CACNG3: variants seen among roughly 807,000 people sequenced by gnomAD.
The protein encoded by CACNG3 is calcium voltage-gated channel auxiliary subunit gamma 3, also known as voltage-dependent calcium channel gamma-3 subunit.
In CACNG3, 3 loss-of-function variants were observed where a neutral mutation model predicts 28.5. The ratio of observed to expected loss-of-function variants is 0.11; its 90% CI spans 0.05 to 0.27. CACNG3 has a LOEUF of 0.27. Ranked by LOEUF, CACNG3 falls within the 10% of genes least tolerant of loss-of-function variation. The probability of loss-of-function intolerance (pLI) is 1.00; values close to 1 mark genes in which losing one functional copy is unlikely to be tolerated. For missense variants in CACNG3, 236 were observed against 414.4 expected, an observed-to-expected ratio of 0.57 and a Z score of 3.74; for synonymous variants, 174 against 162.2, an observed-to-expected ratio of 1.07 and a Z score of -0.55.
chr16:24,347,357 TGAGAAA>T (rs201110222), intron 2 of CACNG3, among the ~76,000 whole-genome samples: 25 of 149,952 alleles, frequency 1.7e-4, no homozygotes, highest in African/African-American at 3.7e-4. Flanking sequence ...AGAATGAGAA[TGAGAAA>T]GAGAAAGAGA....
chr16:24,350,446 CA>C (rs1899926571), intron 2 of CACNG3, among the ~76,000 whole-genome samples: 2 of 152,122 alleles, frequency 1.3e-5, no homozygotes, highest in African/African-American at 4.8e-5. Flanking sequence ...AGGCACCCAC[CA>C]CCACCATGTC....
At chr16:24,342,127 G>T (rs1899799294) in intron 1 of CACNG3, among the ~76,000 whole-genome samples, 1 of 152,108 alleles carries the variant, frequency 6.6e-6, no homozygotes, top group Non-Finnish European at 1.5e-5. Context: ...AATCAGCCGG[G>T]CATGGTGGCA....
At chr16:24,259,527 G>T (rs979138796) in intron 1 of CACNG3, among the ~76,000 whole-genome samples, 1 of 152,132 alleles carries the variant, frequency 6.6e-6, no homozygotes, top group Non-Finnish European at 1.5e-5. Context: ...GGTTTTCGTA[G>T]CTCCATTTTC....
At position 24,282,222 on chromosome 16, in the gene CACNG3, A is replaced by G. The variant is rs564849979; in HGVS notation, c.211+25257A>G. ...GGTTGAGTGCTTTGCTCTAGGTCAA[A>G]CATGAATTAAACAGTGGAACAGAGA... On this transcript the variant is annotated intron_variant, in intron 1 of 3. Coordinates refer to ENST00000005284, the MANE Select transcript of CACNG3 (RefSeq NM_006539.4). Among the ~76,000 whole-genome samples the G allele has an allele frequency of 5.3e-5, 8 of 152,308 alleles. No homozygotes were observed. In the South Asian group the frequency reaches 1.7e-3, roughly 32 times the overall value.
chr16:24,337,060 TG>T (rs1166485489), intron 1 of CACNG3, among the ~76,000 whole-genome samples: 2 of 152,084 alleles, frequency 1.3e-5, no homozygotes, highest in Non-Finnish European at 2.9e-5. Context: ...TAGATCCTCC[TG>T]CCTTGGCCTC....
intron 1 of CACNG3, among the ~76,000 whole-genome samples, chr16:24,294,157 G>A (rs1320239792): frequency 6.6e-6 from 1 of 152,204 alleles, no homozygotes; most frequent in Non-Finnish European, 1.5e-5. Context: ...AATCTACATA[G>A]CAGCAAAATT....
At chr16:24,261,986 A>G (rs1334290216) in intron 1 of CACNG3, among the ~76,000 whole-genome samples, 1 of 152,170 alleles carries the variant, frequency 6.6e-6, no homozygotes, top group Non-Finnish European at 1.5e-5. Context: ...TGTATGTGCC[A>G]AGCTCTGTGC....
In CACNG3 at chr16:24,310,142, G is replaced by A. The variant is rs771631117; in HGVS notation, c.212-36592G>A. Reference sequence around the variant, plus strand: ...CCAGCATGAGGGAGGGAAGGATTCCGAAGAGAGACTATGCTTTGCAGACTG... The same window carrying A: ...CCAGCATGAGGGAGGGAAGGATTCCAAAGAGAGACTATGCTTTGCAGACTG... On this transcript the variant is annotated intron_variant, in intron 1 of 3. Transcript: ENST00000005284. 3.4e-4 allele frequency among the ~76,000 whole-genome samples: 51 copies of A among 152,190 alleles called. 1 individual carries two copies. The highest frequency in any genetic ancestry group is 1.3e-4 in the Non-Finnish European group (9 of 68,034).
chr16:24,266,064 C>T (rs955759593), intron 1 of CACNG3, among the ~76,000 whole-genome samples: 1 of 152,152 alleles, frequency 6.6e-6, no homozygotes, highest in Non-Finnish European at 1.5e-5. Context: ...CTTTCTTTCC[C>T]AGAGAATTCT....
intron 1 of CACNG3, among the ~76,000 whole-genome samples, chr16:24,327,427 T>TGTGTGTGG (rs1424097354): frequency 9.0e-5 from 6 of 67,020 alleles, no homozygotes; most frequent in African/African-American, 3.9e-4. Flanking sequence ...TATATATGTG[T>TGTGTGTGG]GTGTGTGTGT....
chr16:24,266,454 A>G (rs1898609590), intron 1 of CACNG3, among the ~76,000 whole-genome samples: 1 of 152,236 alleles, frequency 6.6e-6, no homozygotes, highest in Non-Finnish European at 1.5e-5. Context: ...AGTGAAACTG[A>G]GGGTGACACT....
rs986388423 is a variant in CACNG3, at chr16:24,362,193, A to G, written c.*330A>G. 9.2e-6 allele frequency: 2 copies of G among 217,096 alleles called. No individual in the cohort carries two copies. The highest frequency in any genetic ancestry group is 1.8e-5 in the Non-Finnish European group (2 of 109,530). 13.4% of individuals were successfully genotyped at this position (217,096 alleles called of 1,614,324 possible). Reference sequence around the variant, plus strand: ...TTACTAAAAGTCACAGGTGGTGGCCAGGGGGGATTTCCGAATCTCCATCAG... The same window carrying G: ...TTACTAAAAGTCACAGGTGGTGGCCGGGGGGGATTTCCGAATCTCCATCAG... On this transcript the variant is annotated 3_prime_UTR_variant, in exon 4 of 4. Transcript: ENST00000005284.
intron 1 of CACNG3, among the ~76,000 whole-genome samples, chr16:24,316,298 T>C (rs1899351274): frequency 7.8e-6 from 1 of 128,600 alleles, no homozygotes; most frequent in African/African-American, 2.6e-5. Flanking sequence ...GCCCTCCCCA[T>C]TGTCGGAGCT....
At position 24,361,885 on chromosome 16, in the gene CACNG3, C is replaced by T; in HGVS notation, c.*22C>T. ...CTGAACTGACCTCTGACCTCTGCCC[C>T]ACGCCCAGCACAGCCTTGGGGGAAG... On this transcript the variant is annotated 3_prime_UTR_variant, in exon 4 of 4. Coordinates refer to ENST00000005284, the MANE Select transcript of CACNG3 (RefSeq NM_006539.4). This position sits in a 1 kb window ranked among gnomAD's most constrained non-coding sequence, Gnocchi z 6.8. The T allele has an allele frequency of 1.3e-6, 2 of 1,580,628 alleles. No homozygotes were observed. The highest frequency in any genetic ancestry group is 1.7e-6 in the Non-Finnish European group (2 of 1,167,492).
intron 1 of CACNG3, among the ~76,000 whole-genome samples, chr16:24,260,785 A>G (rs1276243174): frequency 6.6e-6 from 1 of 152,248 alleles, no homozygotes; most frequent in Non-Finnish European, 1.5e-5. Flanking sequence ...TGACCTGTGT[A>G]GAGACACCCA....
In CACNG3 at chr16:24,284,954, A is replaced by T. The variant is rs188110587; in HGVS notation, c.211+27989A>T. Among the ~76,000 whole-genome samples the T allele has an allele frequency of 6.7e-4, 101 of 151,702 alleles. 1 individual carries two copies. Among genetic ancestry groups the T allele is most frequent in the African/African-American group, 2.3e-3 (96 of 41,382 alleles). On this transcript the variant is annotated intron_variant, in intron 1 of 3. Transcript: ENST00000005284. ...CAGTGTGGTAAAGAATTAGCCAAAC[A>T]TCTAGTAGTCTTGTCTTACAAACAC... is the stretch of plus-strand genomic sequence containing the variant.
intron 1 of CACNG3, among the ~76,000 whole-genome samples, chr16:24,328,969 C>T (rs532607052): frequency 1.1e-4 from 17 of 152,286 alleles, no homozygotes; most frequent in African/African-American, 4.1e-4. Flanking sequence ...CCCGCCACAC[C>T]CCCATCATAT....
intron 1 of CACNG3, among the ~76,000 whole-genome samples, chr16:24,266,300 G>A (rs1014387898): frequency 1.3e-5 from 2 of 152,222 alleles, no homozygotes; most frequent in Admixed American, 6.5e-5. Context: ...GGTGTTGGGA[G>A]TTTAGGTACG....
intron 1 of CACNG3, among the ~76,000 whole-genome samples, chr16:24,304,463 A>G (rs1457513304): frequency 2.6e-5 from 4 of 152,156 alleles, no homozygotes; most frequent in African/African-American, 9.7e-5. Context: ...CAGCGTCCAG[A>G]TCAAGAAATA....
Sources: gnomAD v4.1 joint callset for allele counts (sites outside exome capture counted in the v4.1 genomes callset) on GRCh38, gnomAD v4.1.1 for gene constraint, Gnocchi (gnomAD v3.1) non-coding constraint, MANE v1.5 for transcripts, NCBI Gene and HGNC (gene_info 2026-07-23, HGNC 2026-07-21) for gene names.